PPFIA1: variants seen among roughly 807,000 people sequenced by gnomAD.
PPFIA1 encodes the protein liprin-alpha-1.
In PPFIA1, 25 loss-of-function variants were observed where a neutral mutation model predicts 149.9. That is an observed-to-expected ratio of 0.17 (90% CI 0.12 to 0.23). PPFIA1 has a LOEUF of 0.23. PPFIA1 is among the 10% of genes least tolerant of loss of function. The pLI, the probability that PPFIA1 is intolerant of heterozygous loss-of-function variation, is 1.00. For missense variants in PPFIA1, 1,362 were observed against 1,506.5 expected, an observed-to-expected ratio of 0.90 and a Z score of 1.59; for synonymous variants, 549 against 552.8, an observed-to-expected ratio of 0.99 and a Z score of 0.10.
intron 25 of PPFIA1, among the ~76,000 whole-genome samples, chr11:70,377,278 C>A (rs1385014353): frequency 1.3e-5 from 2 of 152,024 alleles, no homozygotes; most frequent in Non-Finnish European, 2.9e-5. Flanking sequence ...CAGAGTGTAC[C>A]CCCATACTCC....
rs1263553311 is a variant in PPFIA1 at position 70,376,534 on chromosome 11, TCG to T, written c.3319_3320del (p.Arg1107CysfsTer8). 1 of 1,612,652 alleles carries T rather than the reference TCG, an allele frequency of 6.2e-7. No individual in the cohort carries two copies. The highest frequency in any genetic ancestry group is 1.1e-5 in the South Asian group (1 of 91,054). The stretch of plus-strand genomic sequence containing the variant: ...TTGTTTTTCTTTGGTTATTTCAGGC[TCG>T]TGCTGTCTTGGAAAGAGAATTTAAC... ...LQIPTQNTQA[R>X]AVLEREFNNL... On this transcript the variant is annotated frameshift_variant, in exon 25 of 28. Transcript: ENST00000253925. LOFTEE classifies it high-confidence loss of function.
At chr11:70,367,584 G>T (rs2057008723) in intron 21 of PPFIA1, 1 of 455,646 alleles carries the variant, frequency 2.2e-6, no homozygotes, top group Admixed American at 2.3e-5. Context: ...ACATCACCTG[G>T]TATGTTTTTT....
intron 25 of PPFIA1, among the ~76,000 whole-genome samples, 177 bp from the exon 26 acceptor site, chr11:70,377,853 G>A (rs565611090): frequency 1.3e-5 from 2 of 152,220 alleles, no homozygotes; most frequent in South Asian, 2.1e-4. Flanking sequence ...ACCATGCCCC[G>A]TTTCACGCTG....
At chr11:70,345,467 T>A (rs984893268) in intron 15 of PPFIA1, among the ~76,000 whole-genome samples, 1 of 151,912 alleles carries the variant, frequency 6.6e-6, no homozygotes, top group Admixed American at 6.6e-5. Context: ...CCAACAAGAT[T>A]TGCTGAGGGA....
At chr11:70,282,170 T>C (rs2050800477) in intron 2 of PPFIA1, among the ~76,000 whole-genome samples, 1 of 152,190 alleles carries the variant, frequency 6.6e-6, no homozygotes, top group Non-Finnish European at 1.5e-5. Context: ...ACACAGCCCT[T>C]GGCCTCCAAT....
intron 4 of PPFIA1, 142 bp from the exon 5 acceptor site, chr11:70,325,358 A>G (rs1284014294): frequency 2.0e-6 from 1 of 497,020 alleles, no homozygotes; most frequent in Non-Finnish European, 3.5e-6. Context: ...CAGTAAGATC[A>G]ATGACAGACA....
intron 14 of PPFIA1, chr11:70,341,096 G>C: frequency 3.0e-6 from 1 of 332,020 alleles, no homozygotes; most frequent in Non-Finnish European, 5.8e-6. Context: ...TCAGCGTTTG[G>C]GGTGAGAATC....
intron 1 of PPFIA1, 24 bp from the exon 2 acceptor site, chr11:70,272,149 G>A: frequency 6.2e-7 from 1 of 1,608,858 alleles, no homozygotes; most frequent in Non-Finnish European, 8.5e-7. Context: ...CTTAATTACT[G>A]TAGCCTGGGT....
At chr11:70,287,817 G>GT (rs2051250171) in intron 2 of PPFIA1, among the ~76,000 whole-genome samples, 1 of 150,990 alleles carries the variant, frequency 6.6e-6, no homozygotes, top group South Asian at 2.1e-4. Flanking sequence ...CTAATTTTTT[G>GT]TTTTATTTTT....
At chr11:70,275,538 TA>T (rs1280682790) in intron 2 of PPFIA1, among the ~76,000 whole-genome samples, 1 of 152,230 alleles carries the variant, frequency 6.6e-6, no homozygotes, top group African/African-American at 2.4e-5. Flanking sequence ...CATTGTCTTC[TA>T]AAAACTATTT....
chr11:70,378,151 C>T lies in PPFIA1; in HGVS notation c.3506C>T (p.Ser1169Phe). The T allele has an allele frequency of 6.2e-7, 1 of 1,614,174 alleles. No individual in the cohort carries two copies. The highest frequency in any genetic ancestry group is 8.5e-7 in the Non-Finnish European group (1 of 1,180,022). ...CCTGCAAACTTCCGGGTGACTTCTTCTATGTCTTCCCCCTCTATGCAGCCA... is the reference window on the plus strand; with the variant it reads ...CCTGCAAACTTCCGGGTGACTTCTTTTATGTCTTCCCCCTCTATGCAGCCA... ...TLPANFRVTSSMSSPSMQPKK... is the reference protein window; with the variant it reads ...TLPANFRVTSFMSSPSMQPKK... The change falls in exon 26 of 28, where the codon TCT becomes TTT. Residue 1169 changes from serine to phenylalanine, a missense_variant. Coordinates refer to ENST00000253925, the MANE Select transcript of PPFIA1 (RefSeq NM_003626.5).
intron 25 of PPFIA1, among the ~76,000 whole-genome samples, chr11:70,377,638 C>T (rs554227347): frequency 6.6e-6 from 1 of 152,094 alleles, no homozygotes; most frequent in Non-Finnish European, 1.5e-5. Flanking sequence ...CATTCCAGCT[C>T]GGGCAACAGA....
At chr11:70,382,182 C>T (rs759814714) in intron 27 of PPFIA1, 24 bp downstream of exon 27, 52 of 1,584,982 alleles carry the variant, frequency 3.3e-5, no homozygotes, top group Non-Finnish European at 4.5e-5. Flanking sequence ...ACCACAACCC[C>T]TAGAGATGGC....
intron 2 of PPFIA1, among the ~76,000 whole-genome samples, chr11:70,302,414 G>C (rs1452582006): frequency 2.0e-5 from 3 of 152,222 alleles, no homozygotes; most frequent in African/African-American, 4.8e-5. Flanking sequence ...TGCATTCTCT[G>C]AGAGCCTCGT....
chr11:70,271,602 C>T (rs903648878), intron 1 of PPFIA1, among the ~76,000 whole-genome samples: 2 of 152,022 alleles, frequency 1.3e-5, no homozygotes, highest in Non-Finnish European at 2.9e-5. Context: ...CAGCGTTTAA[C>T]GAATCCGGTT....
intron 2 of PPFIA1, among the ~76,000 whole-genome samples, chr11:70,295,363 G>C (rs549605844): frequency 0.012 from 1,732 of 145,366 alleles, 47 homozygotes; most frequent in African/African-American, 0.041. Flanking sequence ...CGGATGGGGC[G>C]GCTGGCCGGG....
intron 2 of PPFIA1, among the ~76,000 whole-genome samples, chr11:70,277,055 T>TTATA (rs1565330621): frequency 1.1e-3 from 44 of 39,598 alleles, no homozygotes; most frequent in African/African-American, 3.3e-3. Flanking sequence ...TATATATATA[T>TTATA]ATATATTTTT....
At chr11:70,293,613 T>C (rs1281356458) in intron 2 of PPFIA1, among the ~76,000 whole-genome samples, 1 of 152,222 alleles carries the variant, frequency 6.6e-6, no homozygotes, top group African/African-American at 2.4e-5. Flanking sequence ...AGTGGCGTCT[T>C]CTGGTCTGCC....
chr11:70,354,027 A>C (rs2056218992), intron 16 of PPFIA1, among the ~76,000 whole-genome samples: 1 of 152,124 alleles, frequency 6.6e-6, no homozygotes, highest in East Asian at 1.9e-4. Flanking sequence ...GGGAGGGCAG[A>C]ACCTTGGGCT....
Sources: gnomAD v4.1 joint callset for allele counts (sites outside exome capture counted in the v4.1 genomes callset) on GRCh38, gnomAD v4.1.1 for gene constraint, MANE v1.5 for transcripts, NCBI Gene and HGNC (gene_info 2026-07-23, HGNC 2026-07-21) for gene names.